KCNMB4: variants seen among roughly 807,000 people sequenced by gnomAD.
The protein encoded by KCNMB4 is potassium calcium-activated channel subfamily M regulatory beta subunit 4.
In KCNMB4, 3 loss-of-function variants were observed where a neutral mutation model predicts 20.7. That is an observed-to-expected ratio of 0.14 (90% confidence interval 0.07 to 0.37). The LOEUF (loss-of-function observed/expected upper bound fraction) is 0.37, where lower values mean the gene tolerates loss of function less well. Among genes scored for constraint, KCNMB4 ranks in the 10% least tolerant of loss-of-function variants. KCNMB4 has a pLI of 1.00. For missense variants in KCNMB4, 168 were observed against 265.9 expected, an observed-to-expected ratio of 0.63 and a Z score of 2.56; for synonymous variants, 110 against 113.4, an observed-to-expected ratio of 0.97 and a Z score of 0.19.
At chr12:70,400,455 C>A (rs931194916) in intron 2 of KCNMB4, 119 bp downstream of exon 2, 5 of 1,038,674 alleles carry the variant, frequency 4.8e-6, no homozygotes, top group South Asian at 4.0e-5. Context: ...CTCTTCTTTG[C>A]GTGTAATTAG....
chr12:70,410,548 T>C (rs993001504), intron 2 of KCNMB4, among the ~76,000 whole-genome samples: 4 of 152,254 alleles, frequency 2.6e-5, no homozygotes, highest in African/African-American at 9.6e-5. Flanking sequence ...ATTGTGCAGC[T>C]TCTCCATCTT....
At chr12:70,369,897 G>A (rs948518537) in intron 1 of KCNMB4, among the ~76,000 whole-genome samples, 2 of 152,122 alleles carry the variant, frequency 1.3e-5, no homozygotes, top group African/African-American at 4.8e-5. Context: ...TTATCTCTGT[G>A]GATTAACCAT....
chr12:70,379,674 A>T (rs1883750694), intron 1 of KCNMB4, among the ~76,000 whole-genome samples: 1 of 152,200 alleles, frequency 6.6e-6, no homozygotes, highest in Non-Finnish European at 1.5e-5. Flanking sequence ...CTCCCTTCAG[A>T]ATGCTGGGAT....
intron 2 of KCNMB4, among the ~76,000 whole-genome samples, chr12:70,410,556 C>A (rs970035216): frequency 2.6e-5 from 4 of 152,242 alleles, no homozygotes; most frequent in Non-Finnish European, 4.4e-5. Context: ...GCTTCTCCAT[C>A]TTGGTTTCCT....
Position 70,429,722 on chromosome 12 carries a change from C to T in KCNMB4, c.465-763C>T, listed in dbSNP as rs148071639. Among the ~76,000 whole-genome samples the T allele has an allele frequency of 2.1e-4, 32 of 151,576 alleles. 1 individual carries two copies. The East Asian group carries it at 3.1e-3, about 15-fold the overall frequency. On this transcript the variant is annotated intron_variant, in intron 2 of 2. Transcript: ENST00000258111. ...ATTTCCAGGATCTCTTTCTAATGGC[C>T]GAAGATTAGAGATCATGGCTTGTGG...
At chr12:70,416,841 T>C (rs1019592355) in intron 2 of KCNMB4, among the ~76,000 whole-genome samples, 1 of 152,154 alleles carries the variant, frequency 6.6e-6, no homozygotes, top group African/African-American at 2.4e-5. Flanking sequence ...TCTGTCTTCC[T>C]ACAAGCAATA....
chr12:70,424,760 A>G (rs1198694111), intron 2 of KCNMB4, among the ~76,000 whole-genome samples: 1 of 147,840 alleles, frequency 6.8e-6, no homozygotes, highest in African/African-American at 2.5e-5. Context: ...CAAAAAAAAA[A>G]AGAATACTAC....
intron 1 of KCNMB4, among the ~76,000 whole-genome samples, chr12:70,399,046 C>T (rs948937551): frequency 1.2e-4 from 19 of 152,144 alleles, no homozygotes; most frequent in African/African-American, 4.3e-4. Flanking sequence ...GTTGACAGCA[C>T]GTGGCAGATT....
chr12:70,381,985 G>T (rs1366595355), intron 1 of KCNMB4, among the ~76,000 whole-genome samples: 2 of 152,108 alleles, frequency 1.3e-5, no homozygotes, highest in Non-Finnish European at 2.9e-5. Context: ...TCAGCAAGTG[G>T]TGTTAAAACT....
intron 1 of KCNMB4, among the ~76,000 whole-genome samples, chr12:70,399,360 C>T (rs181287267): frequency 4.1e-4 from 62 of 152,116 alleles, no homozygotes; most frequent in African/African-American, 1.4e-3. Flanking sequence ...GTAGAGCTGA[C>T]GAAAATCTCA....
In KCNMB4 at chr12:70,432,643, A is replaced by G. The variant is rs187170696; in HGVS notation, c.*1990A>G. ...GAAAAAGGCCTTGAACACACTATTT[A>G]TGACATCTTTTGAGGCAGCTCCAGT... On this transcript the variant is annotated 3_prime_UTR_variant, in exon 3 of 3. Coordinates refer to ENST00000258111, the MANE Select transcript of KCNMB4 (RefSeq NM_014505.6). 1.3e-5 allele frequency: 2 copies of G among 152,304 alleles called. No individual in the cohort carries two copies. The highest frequency in any genetic ancestry group is 1.9e-4 in the East Asian group (1 of 5,176). 9.4% of individuals were successfully genotyped at this position (152,304 alleles called of 1,614,324 possible).
Position 70,395,518 on chromosome 12 carries a change from GA to G in KCNMB4, c.337-4682del, listed in dbSNP as rs923872145. On this transcript the variant is annotated intron_variant, in intron 1 of 2. Transcript: ENST00000258111. ...AATATAAATCCCATTGTGGTTGGCA[GA>G]AAAAAAAATGCTGTTATAAATCTTG... Among the ~76,000 whole-genome samples the G allele has an allele frequency of 4.0e-5, 6 of 150,702 alleles. No homozygotes were observed. The South Asian group carries it at 6.3e-4, about 16-fold the overall frequency.
chr12:70,419,958 T>C (rs1453688277), intron 2 of KCNMB4, among the ~76,000 whole-genome samples: 1 of 152,148 alleles, frequency 6.6e-6, no homozygotes, highest in Non-Finnish European at 1.5e-5. Context: ...CGTGTGCTAA[T>C]CTTTGGGCAG....
Position 70,430,652 on chromosome 12 carries a change from A to G in KCNMB4, c.632A>G (p.Ter211=). ...GCCATGAAGAAGCGCAAGTTCTCTT[A>G]AAGGGGAAGGAGGCTTGTAGAAAGC... ...AEAMKKRKFS[*] The change falls in exon 3 of 3, where the codon TAA becomes TGA. Residue 211 remains the stop codon, a stop_retained_variant. Transcript: ENST00000258111. 1 of 1,607,384 alleles carries G rather than the reference A, an allele frequency of 6.2e-7. No individual in the cohort carries two copies. Among genetic ancestry groups the G allele is most frequent in the Non-Finnish European group, 8.5e-7 (1 of 1,178,240 alleles).
chr12:70,404,543 A>G (rs1265527207), intron 2 of KCNMB4, among the ~76,000 whole-genome samples: 1 of 152,230 alleles, frequency 6.6e-6, no homozygotes, highest in Non-Finnish European at 1.5e-5. Context: ...ACTGGAATCC[A>G]GTTAGTCTGA....
At chr12:70,421,073 A>G (rs1315924568) in intron 2 of KCNMB4, among the ~76,000 whole-genome samples, 1 of 150,978 alleles carries the variant, frequency 6.6e-6, no homozygotes, top group African/African-American at 2.4e-5. Context: ...AAAAAATACT[A>G]CAAATTTTAA....
At chr12:70,422,623 C>G in intron 2 of KCNMB4, 1 of 1,082,928 alleles carries the variant, frequency 9.2e-7, no homozygotes, top group Non-Finnish European at 1.2e-6. Flanking sequence ...CTTTTTGTGC[C>G]AAGCTGACTT....
chr12:70,368,111 C>A lies in KCNMB4; in HGVS notation c.336+1041C>A, dbSNP rs1315152677. 2.0e-5 allele frequency among the ~76,000 whole-genome samples: 3 copies of A among 152,062 alleles called. No individual in the cohort carries two copies. The East Asian group carries it at 5.8e-4, about 29-fold the overall frequency. ...TATGTATCTTTTTAAAAGTTACTGACATTTTTCCTTTTTTTGAGGGATCAA... is the reference window on the plus strand; with the variant it reads ...TATGTATCTTTTTAAAAGTTACTGAAATTTTTCCTTTTTTTGAGGGATCAA... On this transcript the variant is annotated intron_variant, in intron 1 of 2. Coordinates refer to ENST00000258111, the MANE Select transcript of KCNMB4 (RefSeq NM_014505.6).
chr12:70,382,457 A>T (rs12582660), intron 1 of KCNMB4, among the ~76,000 whole-genome samples: 38,234 of 118,418 alleles, frequency 0.32, 6,307 homozygotes, highest in African/African-American at 0.52. Context: ...AAAAAAAAAA[A>T]TTTAAAGGTA....
Sources: allele counts gnomAD v4.1 joint callset (sites outside exome capture counted in the v4.1 genomes callset), GRCh38; gene constraint gnomAD v4.1.1; transcripts MANE v1.5; gene names NCBI Gene and HGNC (gene_info 2026-07-23, HGNC 2026-07-21).